MEGF11: variants seen among roughly 807,000 people sequenced by gnomAD.
MEGF11 encodes the protein multiple EGF like domains 11.
MEGF11 carries 126 observed loss-of-function variants against 146.6 expected under a neutral mutation model. The ratio of observed to expected loss-of-function variants is 0.86; its 90% CI spans 0.74 to 1.00. The LOEUF (loss-of-function observed/expected upper bound fraction) is 1.00. Among genes scored for constraint, MEGF11 ranks in the 50% least tolerant of loss-of-function variants. The pLI, the probability that MEGF11 is intolerant of heterozygous loss-of-function variation, is 0.00. For missense variants in MEGF11, 1,509 were observed against 1,521.2 expected (o/e 0.99, Z 0.13); for synonymous variants, 532 against 583.4 (o/e 0.91, Z 1.27).
intron 5 of MEGF11, among the ~76,000 whole-genome samples, chr15:66,038,404 T>C (rs2083808006): frequency 6.6e-6 from 1 of 152,284 alleles, no homozygotes; most frequent in African/African-American, 2.4e-5. Flanking sequence ...CGAGGGATGG[T>C]TAAGGGAGCG....
chr15:65,980,401 T>A (rs972181396), intron 7 of MEGF11, among the ~76,000 whole-genome samples: 1 of 132,132 alleles, frequency 7.6e-6, no homozygotes, highest in African/African-American at 2.7e-5. Context: ...TCAGCTTTTT[T>A]TTTTTTTTTT....
Position 65,937,736 on chromosome 15 carries a change from G to T in MEGF11, c.1288-6793C>A, listed in dbSNP as rs990514693. Among the ~76,000 whole-genome samples, 9 of 152,352 alleles carry T rather than the reference G, an allele frequency of 5.9e-5. No individual in the cohort carries two copies. The East Asian group carries it at 1.7e-3, about 29-fold the overall frequency. ...TAGATATTCCTATGATGTCACCTATGACCAATCAGAGCTTCTGATCAGCAC... is the reference window on the plus strand; with the variant it reads ...TAGATATTCCTATGATGTCACCTATTACCAATCAGAGCTTCTGATCAGCAC... On this transcript the variant is annotated intron_variant, in intron 10 of 25. Coordinates refer to ENST00000395614, the MANE Select transcript of MEGF11 (RefSeq NM_001385028.1).
chr15:66,190,940 T>C lies in MEGF11; in HGVS notation c.-8-62529A>G, dbSNP rs16949640. 4.2e-3 allele frequency among the ~76,000 whole-genome samples: 643 copies of C among 152,184 alleles called. 10 individuals carry two copies. Among genetic ancestry groups the C allele is most frequent in the East Asian group, 0.034 (177 of 5,182 alleles). ...TTATTTATCGTCCCTCCTGCTGCAATTGTATTCCAACCTAACATCAGGCTT... is the reference window on the plus strand; with the variant it reads ...TTATTTATCGTCCCTCCTGCTGCAACTGTATTCCAACCTAACATCAGGCTT... On this transcript the variant is annotated intron_variant, in intron 1 of 25. Coordinates refer to ENST00000395614, the MANE Select transcript of MEGF11 (RefSeq NM_001385028.1).
At chr15:66,086,393 C>T (rs556785798) in intron 5 of MEGF11, among the ~76,000 whole-genome samples, 4 of 152,292 alleles carry the variant, frequency 2.6e-5, no homozygotes, top group Non-Finnish European at 4.4e-5. Context: ...AGGAAAGAAT[C>T]TTAAGGGCTG....
rs60430940 is a variant in MEGF11 at position 66,168,557 on chromosome 15, G to T, written c.-8-40146C>A. Among the ~76,000 whole-genome samples the T allele has an allele frequency of 2.9e-3, 448 of 152,314 alleles. 2 individuals carry two copies. Among genetic ancestry groups the T allele is most frequent in the African/African-American group, 0.011 (440 of 41,584 alleles). ...ATGGGGCAGAGGGAGAATACCTGGG[G>T]AGGGAAGCCACCAGTCCAAACTGAG... On this transcript the variant is annotated intron_variant, in intron 1 of 25. Coordinates refer to ENST00000395614, the MANE Select transcript of MEGF11 (RefSeq NM_001385028.1).
chr15:66,074,660 G>A (rs919352573), intron 5 of MEGF11, among the ~76,000 whole-genome samples: 6 of 152,178 alleles, frequency 3.9e-5, no homozygotes, highest in South Asian at 4.1e-4. Context: ...TCTAGGTTGT[G>A]GTAGAAAAAA....
chr15:65,982,425 A>G lies in MEGF11; in HGVS notation c.458T>C (p.Leu153Pro). ...SNRCQCQNGALCNPITGACVC... is the reference protein window; with the variant it reads ...SNRCQCQNGAPCNPITGACVC... ...GCAGGCGCCTGTGATGGGGTTACAC[A>G]GGGCGCCGTTCTGGCACTGGCACCG... is the stretch of plus-strand genomic sequence containing the variant. The change falls in exon 6 of 26, where the codon CTG becomes CCG. Residue 153 changes from leucine to proline, a missense_variant. Transcript: ENST00000395614. The surrounding 1 kb of genome is among the most constrained non-coding windows in gnomAD (Gnocchi z 5.6). 1.3e-6 allele frequency: 2 copies of G among 1,502,666 alleles called. No individual in the cohort carries two copies. Among genetic ancestry groups the G allele is most frequent in the South Asian group, 1.3e-5 (1 of 78,314 alleles). 93.1% of individuals were successfully genotyped at this position (1,502,666 alleles called of 1,614,324 possible). A position where few individuals can be genotyped will look rare whatever the true frequency, so the allele number is the denominator to read the frequency against.
At chr15:66,164,083 T>G (rs1428833641) in intron 1 of MEGF11, among the ~76,000 whole-genome samples, 2 of 152,032 alleles carry the variant, frequency 1.3e-5, no homozygotes, top group African/African-American at 4.8e-5. Context: ...GCAGGGTTGT[T>G]GGATTTGCAG....
At chr15:65,917,937 A>T in intron 16 of MEGF11, 29 bp downstream of exon 16, 1 of 1,613,624 alleles carries the variant, frequency 6.2e-7, no homozygotes, top group Non-Finnish European at 8.5e-7. Context: ...GACCCCAGGT[A>T]GGGGCATTCC....
intron 5 of MEGF11, among the ~76,000 whole-genome samples, chr15:66,067,344 C>T (rs1254111498): frequency 6.6e-6 from 1 of 152,218 alleles, no homozygotes; most frequent in East Asian, 1.9e-4. Context: ...AAAATGCATT[C>T]CTATCCACTG....
At chr15:66,113,924 G>A (rs1316464863) in intron 4 of MEGF11, among the ~76,000 whole-genome samples, 1 of 151,980 alleles carries the variant, frequency 6.6e-6, no homozygotes, top group African/African-American at 2.4e-5. Context: ...TGGTTCTCAA[G>A]TGTAGTTCCC....
chr15:66,146,443 A>AT (rs1567263001), intron 1 of MEGF11, among the ~76,000 whole-genome samples: 1 of 151,648 alleles, frequency 6.6e-6, no homozygotes. Context: ...CCCAGGAGAG[A>AT]TGGAGATAAA....
At chr15:66,111,041 T>C (rs187463059) in intron 4 of MEGF11, among the ~76,000 whole-genome samples, 6 of 152,276 alleles carry the variant, frequency 3.9e-5, no homozygotes, top group African/African-American at 1.2e-4. Flanking sequence ...GAGGGGAAAG[T>C]ACAGGATTTA....
At chr15:65,977,334 C>T (rs964220667) in intron 7 of MEGF11, among the ~76,000 whole-genome samples, 26 of 152,126 alleles carry the variant, frequency 1.7e-4, no homozygotes, top group African/African-American at 5.8e-4. Flanking sequence ...GCATGGACAC[C>T]CTCAATGGAC....
intron 1 of MEGF11, among the ~76,000 whole-genome samples, chr15:66,223,243 G>T (rs932597732): frequency 6.6e-5 from 10 of 152,116 alleles, no homozygotes; most frequent in Admixed American, 3.3e-4. Context: ...AGTCACAAAA[G>T]ACCACATATT....
At chr15:66,179,621 G>A (rs548717633) in intron 1 of MEGF11, among the ~76,000 whole-genome samples, 235 of 152,238 alleles carry the variant, frequency 1.5e-3, no homozygotes, top group African/African-American at 5.4e-3. Flanking sequence ...TGTAGAGAGT[G>A]CAACCAGGAA....
intron 10 of MEGF11, among the ~76,000 whole-genome samples, chr15:65,938,739 C>T (rs909316039): frequency 6.6e-6 from 1 of 152,242 alleles, no homozygotes; most frequent in Non-Finnish European, 1.5e-5. Context: ...GCACTACTAA[C>T]AAACCCTCGA....
In MEGF11 at chr15:66,154,540, T is replaced by A. The variant is rs539349234; in HGVS notation, c.-8-26129A>T. 1.1e-4 allele frequency among the ~76,000 whole-genome samples: 17 copies of A among 152,364 alleles called. No homozygotes were observed. The South Asian group carries it at 2.9e-3, about 26-fold the overall frequency. On this transcript the variant is annotated intron_variant, in intron 1 of 25. Transcript: ENST00000395614. ...ATTTAACAGTGATTCCAACATTAGA[T>A]GCCTTCAACACACCATCATAAAGAT...
intron 1 of MEGF11, among the ~76,000 whole-genome samples, chr15:66,234,940 C>T (rs12903154): frequency 0.26 from 39,747 of 152,064 alleles, 6,084 homozygotes; most frequent in Non-Finnish European, 0.36. Context: ...TTCCCACCTT[C>T]GGAACTCAGG....
Sources: gnomAD v4.1 joint callset for allele counts (sites outside exome capture counted in the v4.1 genomes callset) on GRCh38, gnomAD v4.1.1 for gene constraint, Gnocchi (gnomAD v3.1) non-coding constraint, MANE v1.5 for transcripts, NCBI Gene and HGNC (gene_info 2026-07-23, HGNC 2026-07-21) for gene names.